ITGAV: variants seen among roughly 807,000 people sequenced by gnomAD.
ITGAV encodes the protein integrin alpha-V.
In ITGAV, 76 loss-of-function variants were observed where a neutral mutation model predicts 143.8. That is an observed-to-expected ratio of 0.53 (90% CI 0.44 to 0.64). ITGAV has a LOEUF of 0.64. ITGAV is among the 30% of genes least tolerant of loss of function. The probability of loss-of-function intolerance (pLI) is 0.00; values close to 1 mark genes in which losing one functional copy is unlikely to be tolerated. For missense variants in ITGAV, 1,193 were observed against 1,274.7 expected (o/e 0.94, Z 0.98); for synonymous variants, 453 against 446.7 (o/e 1.01, Z -0.18).
chr2:186,591,259 T>G (rs1406038204), intron 1 of ITGAV, among the ~76,000 whole-genome samples: 1 of 152,178 alleles, frequency 6.6e-6, no homozygotes, highest in Non-Finnish European at 1.5e-5. Flanking sequence ...ATTTAATAAT[T>G]CAGTTATGTT....
chr2:186,634,769 A>T (rs1000645935), intron 6 of ITGAV, among the ~76,000 whole-genome samples: 1 of 152,190 alleles, frequency 6.6e-6, no homozygotes, highest in Admixed American at 6.5e-5. Flanking sequence ...TCTAAAGTAC[A>T]TATGAGAAAA....
At chr2:186,632,438 C>T (rs555750723) in intron 5 of ITGAV, among the ~76,000 whole-genome samples, 1 of 151,900 alleles carries the variant, frequency 6.6e-6, no homozygotes, top group South Asian at 2.1e-4. Context: ...GTAGCCAAGG[C>T]AAAAGATTGT....
intron 18 of ITGAV, among the ~76,000 whole-genome samples, chr2:186,661,814 C>G (rs1688754191): frequency 6.6e-6 from 1 of 152,010 alleles, no homozygotes; most frequent in African/African-American, 2.4e-5. Flanking sequence ...CCAGGACAGT[C>G]TTGATCTCCT....
intron 2 of ITGAV, among the ~76,000 whole-genome samples, chr2:186,611,946 T>C (rs1001174116): frequency 6.6e-6 from 1 of 152,150 alleles, no homozygotes; most frequent in African/African-American, 2.4e-5. Flanking sequence ...AGGTATTAGG[T>C]TGGTGCAAAA....
At chr2:186,674,750 G>A (rs956869975) in intron 26 of ITGAV, among the ~76,000 whole-genome samples, 120 of 152,124 alleles carry the variant, frequency 7.9e-4, no homozygotes, top group Middle Eastern at 3.4e-3. Context: ...GACCTCAAGC[G>A]ATACGCCTGC....
chr2:186,625,571 T>C lies in ITGAV; in HGVS notation c.507T>C (p.Tyr169=), dbSNP rs746647952. Residue 169 remains tyrosine, a synonymous_variant, in exon 4 of 30, where the codon TAT becomes TAC. Coordinates refer to ENST00000261023, the MANE Select transcript of ITGAV (RefSeq NM_002210.5). ...FLQDGTKTVE[Y]APCRSQDIDA... is the part of the protein sequence containing the mutation. Reference sequence around the variant, plus strand: ...AAGATGGAACAAAGACTGTTGAGTATGCTCCATGTAGATCACGTATGTATA... The same window carrying C: ...AAGATGGAACAAAGACTGTTGAGTACGCTCCATGTAGATCACGTATGTATA... 1.9e-6 allele frequency: 3 copies of C among 1,612,266 alleles called. No individual in the cohort carries two copies. The highest frequency in any genetic ancestry group is 2.5e-6 in the Non-Finnish European group (3 of 1,178,606).
chr2:186,660,147 G>C (rs940620538), intron 18 of ITGAV, among the ~76,000 whole-genome samples: 3 of 151,878 alleles, frequency 2.0e-5, no homozygotes, highest in Admixed American at 6.6e-5. Flanking sequence ...GTTATTTTCT[G>C]TTTATAGTTT....
intron 18 of ITGAV, among the ~76,000 whole-genome samples, chr2:186,659,841 T>G (rs1055213820): frequency 6.6e-6 from 1 of 151,728 alleles, no homozygotes; most frequent in Non-Finnish European, 1.5e-5. Flanking sequence ...ATTAAAATAT[T>G]TTTAAAAGTC....
At chr2:186,650,206 C>T (rs1688386622) in intron 14 of ITGAV, among the ~76,000 whole-genome samples, 1 of 152,274 alleles carries the variant, frequency 6.6e-6, no homozygotes, top group South Asian at 2.1e-4. Flanking sequence ...TCCAGCCTCT[C>T]TTCTAGTTAT....
chr2:186,601,906 G>T, intron 1 of ITGAV, 115 bp from the exon 2 acceptor site: 4 of 1,045,930 alleles, frequency 3.8e-6, no homozygotes, highest in Non-Finnish European at 5.4e-6. Flanking sequence ...AATAGCAAAT[G>T]GTTTTAAAAA....
At chr2:186,666,865 A>G (rs1688912777) in intron 22 of ITGAV, 82 bp downstream of exon 22, 8 of 656,984 alleles carry the variant, frequency 1.2e-5, no homozygotes, top group Non-Finnish European at 1.7e-5. Context: ...TACTTTAAAT[A>G]TAAAGTAGCA....
chr2:186,597,085 T>C (rs1686767632), intron 1 of ITGAV, among the ~76,000 whole-genome samples: 4 of 152,242 alleles, frequency 2.6e-5, no homozygotes, highest in Admixed American at 2.0e-4. Flanking sequence ...TACCATCATT[T>C]CATGCCTATA....
At chr2:186,669,095 G>T (rs1282620927) in intron 25 of ITGAV, among the ~76,000 whole-genome samples, 175 bp downstream of exon 25, 2 of 152,190 alleles carry the variant, frequency 1.3e-5, no homozygotes, top group Non-Finnish European at 2.9e-5. Flanking sequence ...TAATGGGTAA[G>T]AATTGATTCT....
At chr2:186,602,180 A>G in intron 2 of ITGAV, 29 bp downstream of exon 2, 1 of 1,588,562 alleles carries the variant, frequency 6.3e-7, no homozygotes, top group Non-Finnish European at 8.6e-7. Flanking sequence ...TTTTCTTTTC[A>G]TTGATTTCAT....
chr2:186,590,162 G>C lies in ITGAV; in HGVS notation c.-177G>C. On this transcript the variant is annotated 5_prime_UTR_variant, in exon 1 of 30. Coordinates refer to ENST00000261023, the MANE Select transcript of ITGAV (RefSeq NM_002210.5). ...GCGCTCTGCGCCCCTCGTCCCTGGC[G>C]GTCGCTCCGAAGCTCAGCCCTCTTG... is the stretch of plus-strand genomic sequence containing the variant. 1 of 469,368 alleles carries C rather than the reference G, an allele frequency of 2.1e-6. No individual in the cohort carries two copies. 29.1% of individuals were successfully genotyped at this position (469,368 alleles called of 1,614,324 possible).
At chr2:186,628,694 A>G (rs1687741133) in intron 4 of ITGAV, among the ~76,000 whole-genome samples, 1 of 152,092 alleles carries the variant, frequency 6.6e-6, no homozygotes, top group Non-Finnish European at 1.5e-5. Context: ...AGTAGACCAG[A>G]TGTTCTTCTG....
chr2:186,636,690 T>C (rs538057034), intron 7 of ITGAV, among the ~76,000 whole-genome samples: 7 of 152,362 alleles, frequency 4.6e-5, no homozygotes, highest in East Asian at 3.9e-4. Context: ...TTAGGACTTA[T>C]TAACATGTGT....
intron 26 of ITGAV, among the ~76,000 whole-genome samples, chr2:186,674,288 T>C (rs948135348): frequency 1.3e-5 from 2 of 152,170 alleles, no homozygotes; most frequent in Non-Finnish European, 2.9e-5. Flanking sequence ...AGTGCTGTTT[T>C]AAAGGAAGTT....
At chr2:186,663,514 A>G in intron 18 of ITGAV, among the ~76,000 whole-genome samples, 1 of 152,212 alleles carries the variant, frequency 6.6e-6, no homozygotes, top group East Asian at 1.9e-4. Flanking sequence ...GATAAAACTG[A>G]AAGGTTCCAA....
Sources: gnomAD v4.1 joint callset for allele counts (sites outside exome capture counted in the v4.1 genomes callset) on GRCh38, gnomAD v4.1.1 for gene constraint, MANE v1.5 for transcripts, NCBI Gene and HGNC (gene_info 2026-07-23, HGNC 2026-07-21) for gene names.